MAP6: variants seen among roughly 807,000 people sequenced by gnomAD.
The protein encoded by MAP6 is microtubule-associated protein 6.
A neutral mutation model predicts 42.4 loss-of-function variants in MAP6; 26 were observed. That is an observed-to-expected ratio of 0.61 (90% CI 0.45 to 0.85). The LOEUF is 0.85. Among genes scored for constraint, MAP6 ranks in the 40% least tolerant of loss-of-function variants. The probability of loss-of-function intolerance (pLI) is 0.00; values close to 1 mark genes in which losing one functional copy is unlikely to be tolerated. For synonymous variants in MAP6, 418 were observed against 443.8 expected (o/e 0.94, Z 0.73); for missense variants, 966 against 1,099.0 (o/e 0.88, Z 1.71).
chr11:75,667,637 C>G lies in MAP6; in HGVS notation c.733G>C (p.Ala245Pro). 2.4e-6 allele frequency: 3 copies of G among 1,260,778 alleles called. No homozygotes were observed. Among genetic ancestry groups the G allele is most frequent in the South Asian group, 3.0e-5 (1 of 33,188 alleles). 78.1% of individuals were successfully genotyped at this position (1,260,778 alleles called of 1,614,324 possible). A position where few individuals can be genotyped will look rare whatever the true frequency, so the allele number is the denominator to read the frequency against. ...ERDTRRKAGP[A>P]WIVRRAEGLG... ...CCCTCGGCGCGGCGCACAATCCAGG[C>G]AGGCCCGGCCTTCCTGCGCGTGTCG... The change falls in exon 1 of 4, where the codon GCC becomes CCC. Residue 245 changes from alanine (A) to proline (P), a missense_variant. This residue lies in a region of MAP6 where 943 missense variants were observed against 1,049.9 expected (regional missense o/e 0.90). Transcript: ENST00000304771. The surrounding 1 kb of genome is among the most constrained non-coding windows in gnomAD (Gnocchi z 5.6).
At chr11:75,637,949 A>T (rs561750561) in intron 1 of MAP6, among the ~76,000 whole-genome samples, 2 of 152,246 alleles carry the variant, frequency 1.3e-5, no homozygotes, top group South Asian at 4.2e-4. Flanking sequence ...GGACAAAATG[A>T]CATTCACTGT....
At position 75,624,729 on chromosome 11, in the gene MAP6, C is replaced by T. The variant is rs536830453; in HGVS notation, c.906-16407G>A. On this transcript the variant is annotated intron_variant, in intron 1 of 3. Coordinates refer to ENST00000304771, the MANE Select transcript of MAP6 (RefSeq NM_033063.2). ...CACAAGTCAGCATAATGCATAGACC[C>T]ATCAGGAGAATAGTCATGTTCTTTC... is the stretch of plus-strand genomic sequence containing the variant. Among the ~76,000 whole-genome samples, 3 of 152,272 alleles carry T rather than the reference C, an allele frequency of 2.0e-5. No homozygotes were observed. In the East Asian group the frequency reaches 5.8e-4, roughly 29 times the overall value.
At chr11:75,656,184 G>T (rs75958740) in intron 1 of MAP6, among the ~76,000 whole-genome samples, 2,531 of 152,288 alleles carry the variant, frequency 0.017, 60 homozygotes, top group African/African-American at 0.059. Context: ...ATGTAGGCCA[G>T]TGTTTCAAAG....
intron 3 of MAP6, among the ~76,000 whole-genome samples, chr11:75,602,181 A>G (rs1942674633): frequency 6.6e-6 from 1 of 151,678 alleles, no homozygotes; most frequent in Non-Finnish European, 1.5e-5. Context: ...CCATTTCTAG[A>G]CTTGCTCCCT....
At chr11:75,649,442 G>A (rs1034698078) in intron 1 of MAP6, among the ~76,000 whole-genome samples, 42 of 152,262 alleles carry the variant, frequency 2.8e-4, no homozygotes, top group African/African-American at 9.4e-4. Flanking sequence ...GGAAGAAGCA[G>A]AATGGGTCTG....
At chr11:75,643,761 A>G (rs1215472301) in intron 1 of MAP6, among the ~76,000 whole-genome samples, 1 of 152,094 alleles carries the variant, frequency 6.6e-6, no homozygotes, top group Non-Finnish European at 1.5e-5. Context: ...CCCCACCCCT[A>G]TGAGGTAGGT....
intron 3 of MAP6, chr11:75,604,379 A>G (rs1297604463): frequency 5.1e-6 from 5 of 985,342 alleles, no homozygotes; most frequent in African/African-American, 1.7e-5. Flanking sequence ...ACTTTGAGGT[A>G]AGGAACTGTG....
At position 75,587,374 on chromosome 11, in the gene MAP6, G is replaced by T; in HGVS notation, c.2127C>A (p.Val709=). The part of the protein sequence containing the change: ...VAPVKNQGPV[V]PESVKNQDPI... ...GGTCTTGATTCTTCACGGACTCGGG[G>T]ACCACAGGACCTTGATTCTTTACAG... The change falls in exon 4 of 4, where the codon GTC becomes GTA. Residue 709 remains valine (V), a synonymous_variant. Transcript: ENST00000304771. The T allele has an allele frequency of 6.2e-7, 1 of 1,614,084 alleles. No homozygotes were observed. Among genetic ancestry groups the T allele is most frequent in the Non-Finnish European group, 8.5e-7 (1 of 1,180,008 alleles).
intron 1 of MAP6, among the ~76,000 whole-genome samples, chr11:75,640,149 TATCC>T (rs1943438795): frequency 6.6e-6 from 1 of 151,832 alleles, no homozygotes; most frequent in African/African-American, 2.4e-5. Flanking sequence ...CAATCTGAGT[TATCC>T]AGTCCCTTGC....
chr11:75,636,804 G>A (rs1376344879), intron 1 of MAP6, among the ~76,000 whole-genome samples: 2 of 152,086 alleles, frequency 1.3e-5, no homozygotes, highest in East Asian at 1.9e-4. Flanking sequence ...ATTACTTCCT[G>A]CAAAAATCAC....
intron 1 of MAP6, among the ~76,000 whole-genome samples, chr11:75,658,080 GA>G (rs1398788004): frequency 1.3e-5 from 2 of 152,062 alleles, no homozygotes; most frequent in South Asian, 4.1e-4. Context: ...TCCTACTGTT[GA>G]TGGACATTTG....
At chr11:75,623,338 A>G (rs999685614) in intron 1 of MAP6, among the ~76,000 whole-genome samples, 8 of 152,206 alleles carry the variant, frequency 5.3e-5, no homozygotes, top group Admixed American at 5.2e-4. Context: ...GGAGGATGCT[A>G]AAACTGTCTT....
intron 1 of MAP6, among the ~76,000 whole-genome samples, chr11:75,640,274 A>C (rs898233163): frequency 6.6e-6 from 1 of 151,972 alleles, no homozygotes; most frequent in African/African-American, 2.4e-5. Context: ...GGCCTTGACA[A>C]GGAACTCATG....
In MAP6 at chr11:75,619,211, T is replaced by C. The variant is rs552221058; in HGVS notation, c.906-10889A>G. Among the ~76,000 whole-genome samples the C allele has an allele frequency of 2.0e-5, 3 of 152,226 alleles. No homozygotes were observed. The South Asian group carries it at 6.2e-4, about 32-fold the overall frequency. On this transcript the variant is annotated intron_variant, in intron 1 of 3. Transcript: ENST00000304771. ...TACCCTGTGTATGTATGGATGTTTT[T>C]GTAAAAAAGAGAAAAATCTGAAAAA...
chr11:75,609,683 C>T (rs781334535), intron 1 of MAP6, among the ~76,000 whole-genome samples: 41 of 152,246 alleles, frequency 2.7e-4, no homozygotes, highest in Non-Finnish European at 3.7e-4. Flanking sequence ...AGCCACTTGC[C>T]GGTTATTTGA....
intron 3 of MAP6, chr11:75,605,127 C>T (rs1942737235): frequency 1.0e-6 from 1 of 985,236 alleles, no homozygotes; most frequent in South Asian, 4.7e-5. Flanking sequence ...CTTCACCAGC[C>T]CTGATCTAGT....
At chr11:75,597,455 C>T (rs1176911554) in intron 3 of MAP6, among the ~76,000 whole-genome samples, 1 of 152,154 alleles carries the variant, frequency 6.6e-6, no homozygotes, top group African/African-American at 2.4e-5. Flanking sequence ...AAGGCATTCT[C>T]GATTGTTTTA....
chr11:75,626,622 G>A (rs1446879257), intron 1 of MAP6, among the ~76,000 whole-genome samples: 1 of 152,208 alleles, frequency 6.6e-6, no homozygotes, highest in Non-Finnish European at 1.5e-5. Context: ...TTGAGTGCCT[G>A]CAGCAATTAT....
At chr11:75,617,514 C>CAAAA (rs61477947) in intron 1 of MAP6, among the ~76,000 whole-genome samples, 4 of 28,130 alleles carry the variant, frequency 1.4e-4, no homozygotes, top group African/African-American at 2.0e-4. Flanking sequence ...AGACTGTCTC[C>CAAAA]AAAAAAAAAA....
Sources: gnomAD v4.1 joint callset for allele counts (sites outside exome capture counted in the v4.1 genomes callset) on GRCh38, gnomAD v4.1.1 for gene constraint, gnomAD v4.1.1 regional missense constraint, Gnocchi (gnomAD v3.1) non-coding constraint, MANE v1.5 for transcripts, NCBI Gene and HGNC (gene_info 2026-07-23, HGNC 2026-07-21) for gene names.